HDAC9: variants seen among roughly 807,000 people sequenced by gnomAD.
HDAC9 encodes the protein MEF-2 interacting transcription repressor (MITR) protein.
Under a neutral mutation model 139.4 loss-of-function variants are expected in HDAC9, and 41 were observed. That is an observed-to-expected ratio of 0.29 (90% CI 0.23 to 0.38). HDAC9 has a LOEUF of 0.38. HDAC9 is among the 10% of genes least tolerant of loss of function. The pLI is 1.00. For synonymous variants in HDAC9, 517 were observed against 476.2 expected, an observed-to-expected ratio of 1.09 and a Z score of -1.12; for missense variants, 1,147 against 1,297.0, an observed-to-expected ratio of 0.88 and a Z score of 1.78.
chr7:18,252,571 T>C (rs929891390), intron 2 of HDAC9, among the ~76,000 whole-genome samples: 1 of 152,164 alleles, frequency 6.6e-6, no homozygotes, highest in East Asian at 1.9e-4. Context: ...GGTAAGATTT[T>C]TGGAGTTGTA....
intron 17 of HDAC9, among the ~76,000 whole-genome samples, chr7:18,822,330 T>TTTTG (rs199797864): frequency 1.8e-4 from 26 of 145,054 alleles, no homozygotes; most frequent in Admixed American, 1.7e-3. Context: ...AGGGTTTGGT[T>TTTTG]TTTGTTTGTT....
At chr7:18,110,705 A>G (rs902145275) in intron 1 of HDAC9, among the ~76,000 whole-genome samples, 2 of 152,110 alleles carry the variant, frequency 1.3e-5, no homozygotes, top group Non-Finnish European at 2.9e-5. Flanking sequence ...ATTTTAAGCA[A>G]TTTGGTAAGT....
intron 22 of HDAC9, among the ~76,000 whole-genome samples, chr7:18,914,915 C>A (rs546029021): frequency 6.6e-6 from 1 of 152,002 alleles, no homozygotes; most frequent in African/African-American, 2.4e-5. Flanking sequence ...ATAATACAAC[C>A]AAGAAGAGAT....
intron 25 of HDAC9, among the ~76,000 whole-genome samples, chr7:18,982,982 C>T (rs369416775): frequency 6.6e-6 from 1 of 152,094 alleles, no homozygotes; most frequent in Non-Finnish European, 1.5e-5. Context: ...TAAAACTTAC[C>T]GTCTTAACCA....
chr7:18,301,766 A>C (rs1004419188), intron 1 of HDAC9, among the ~76,000 whole-genome samples: 1 of 152,186 alleles, frequency 6.6e-6, no homozygotes, highest in Non-Finnish European at 1.5e-5. Flanking sequence ...TTCTCCCACC[A>C]GACACTCATG....
chr7:18,585,273 T>C lies in HDAC9; in HGVS notation c.23-8T>C. 1.2e-6 allele frequency: 2 copies of C among 1,606,876 alleles called. No homozygotes were observed. The highest frequency in any genetic ancestry group is 1.7e-6 in the Non-Finnish European group (2 of 1,175,254). On this transcript the variant is annotated splice_polypyrimidine_tract_variant and splice_region_variant and intron_variant, in intron 2 of 25. Transcript: ENST00000686413. ...CCACCCCATTTCCCTTTTTTTCTGG[T>C]TCTTTAGTGGATGTGAAGTCAGAAG...
intron 16 of HDAC9, among the ~76,000 whole-genome samples, chr7:18,772,136 A>C (rs1404251566): frequency 6.6e-6 from 1 of 152,100 alleles, no homozygotes; most frequent in African/African-American, 2.4e-5. Flanking sequence ...TAGGGTGTGG[A>C]GGTTACTCAA....
chr7:18,701,750 G>T (rs1020933856), intron 12 of HDAC9, among the ~76,000 whole-genome samples: 9 of 152,178 alleles, frequency 5.9e-5, no homozygotes, highest in African/African-American at 2.2e-4. Context: ...TCCATTACAT[G>T]TCCAAAGACA....
chr7:18,693,331 G>C (rs1277936302), intron 12 of HDAC9, among the ~76,000 whole-genome samples: 5 of 152,076 alleles, frequency 3.3e-5, no homozygotes, highest in Non-Finnish European at 5.9e-5. Context: ...AAAGCTAAAG[G>C]AATTCTTTAA....
intron 1 of HDAC9, among the ~76,000 whole-genome samples, chr7:18,299,888 T>G (rs1289727109): frequency 6.6e-6 from 1 of 152,194 alleles, no homozygotes; most frequent in African/African-American, 2.4e-5. Flanking sequence ...GAGCTACGTA[T>G]TTTAGTCAAA....
At chr7:18,436,408 A>G (rs1273044587) in intron 1 of HDAC9, among the ~76,000 whole-genome samples, 1 of 152,142 alleles carries the variant, frequency 6.6e-6, no homozygotes, top group African/African-American at 2.4e-5. Context: ...GGTAAGGTAA[A>G]TGGGAAAAGA....
intron 1 of HDAC9, among the ~76,000 whole-genome samples, chr7:18,439,846 AAC>A (rs1791581738): frequency 6.6e-6 from 1 of 152,114 alleles, no homozygotes; most frequent in South Asian, 2.1e-4. Context: ...CACACACACA[AAC>A]ACACAAAATG....
intron 2 of HDAC9, among the ~76,000 whole-genome samples, chr7:18,211,376 T>C (rs1452776085): frequency 2.6e-5 from 4 of 152,182 alleles, no homozygotes; most frequent in Admixed American, 2.6e-4. Flanking sequence ...ACTTTGAGCT[T>C]GATAATGCTG....
At chr7:18,656,205 C>G (rs1419825149) in intron 11 of HDAC9, among the ~76,000 whole-genome samples, 4 of 152,038 alleles carry the variant, frequency 2.6e-5, no homozygotes, top group African/African-American at 9.7e-5. Context: ...TTCCTGCAGG[C>G]AGAATTGCAT....
chr7:18,698,557 T>C (rs73313381), intron 12 of HDAC9, among the ~76,000 whole-genome samples: 190 of 152,364 alleles, frequency 1.2e-3, no homozygotes, highest in African/African-American at 4.2e-3. Context: ...TTCCTGACCT[T>C]GGAGCTCTCA....
At chr7:18,820,441 TCA>T (rs1273646101) in intron 17 of HDAC9, among the ~76,000 whole-genome samples, 1 of 152,184 alleles carries the variant, frequency 6.6e-6, no homozygotes, top group African/African-American at 2.4e-5. Context: ...TAAAACATTT[TCA>T]CAGTTTCATC....
intron 1 of HDAC9, among the ~76,000 whole-genome samples, chr7:18,417,562 A>T (rs960825791): frequency 6.6e-6 from 1 of 152,186 alleles, no homozygotes. Context: ...TAAGTTACTT[A>T]TAAACAGTTT....
intron 12 of HDAC9, among the ~76,000 whole-genome samples, chr7:18,673,066 A>G (rs1584810594): frequency 6.6e-6 from 1 of 151,630 alleles, no homozygotes. Flanking sequence ...ATTTTTCTTC[A>G]TGAATATTAC....
intron 2 of HDAC9, among the ~76,000 whole-genome samples, chr7:18,223,049 C>G (rs936576933): frequency 1.3e-5 from 2 of 151,902 alleles, no homozygotes; most frequent in Admixed American, 1.3e-4. Flanking sequence ...CAGTTTTTGC[C>G]AGTCAGGTGA....
Sources: gnomAD v4.1 joint callset for allele counts (sites outside exome capture counted in the v4.1 genomes callset) on GRCh38, gnomAD v4.1.1 for gene constraint, MANE v1.5 for transcripts, NCBI Gene and HGNC (gene_info 2026-07-23, HGNC 2026-07-21) for gene names.